ANKK1: variants seen among roughly 807,000 people sequenced by gnomAD.
The protein encoded by ANKK1 is ankyrin repeat and protein kinase domain-containing protein 1.
A neutral mutation model predicts 37.6 loss-of-function variants in ANKK1; 37 were observed. The ratio of observed to expected loss-of-function variants is 0.98; its 90% CI spans 0.76 to 1.29. The LOEUF (loss-of-function observed/expected upper bound fraction) is 1.29. Ranked by LOEUF, ANKK1 falls within the 50% of genes most tolerant of loss-of-function variation. The pLI is 0.00. For missense variants in ANKK1, 1,019 were observed against 990.6 expected, an observed-to-expected ratio of 1.03 and a Z score of -0.39; for synonymous variants, 415 against 418.7, an observed-to-expected ratio of 0.99 and a Z score of 0.11.
rs757199134 is a variant in ANKK1, at chr11:113,399,472, C to T, written c.1503C>T (p.Ala501=). ...AGGGCAAGACCCCCCTCCATGTGGCCGCCTACTTTGGCCATGTTAGCCTGG... is the reference window on the plus strand; with the variant it reads ...AGGGCAAGACCCCCCTCCATGTGGCTGCCTACTTTGGCCATGTTAGCCTGG... ...EAEGKTPLHV[A]AYFGHVSLVK... Residue 501 remains alanine (A), a synonymous_variant, in exon 8 of 8, where the codon GCC becomes GCT. Coordinates refer to ENST00000303941, the MANE Select transcript of ANKK1 (RefSeq NM_178510.2). The T allele has an allele frequency of 3.8e-6, 6 of 1,592,170 alleles. No individual in the cohort carries two copies. Among genetic ancestry groups the T allele is most frequent in the Admixed American group, 1.8e-5 (1 of 56,992 alleles).
Position 113,400,056 on chromosome 11 carries a change from C to T in ANKK1, c.2087C>T (p.Ala696Val), listed in dbSNP as rs778061889. 6.2e-7 allele frequency: 1 copy of T among 1,613,488 alleles called. No homozygotes were observed. The change falls in exon 8 of 8, where the codon GCC (alanine) becomes GTC (valine). Residue 696 changes from alanine (A) to valine (V), a missense_variant. Ala to Val is a moderately conservative substitution (Grantham distance 64). Coordinates refer to ENST00000303941, the MANE Select transcript of ANKK1 (RefSeq NM_178510.2). ...HARNKVGWTP[A>V]HLAALKGNTA... is the part of the protein sequence containing the mutation. ...CGCAACAAGGTGGGCTGGACACCCGCCCACCTGGCCGCCCTCAAGGGCAAC... is the reference window on the plus strand; with the variant it reads ...CGCAACAAGGTGGGCTGGACACCCGTCCACCTGGCCGCCCTCAAGGGCAAC...
At chr11:113,389,063 G>A (rs1330144497) in intron 1 of ANKK1, among the ~76,000 whole-genome samples, 2 of 152,178 alleles carry the variant, frequency 1.3e-5, no homozygotes, top group Non-Finnish European at 2.9e-5. Context: ...CTTATGAGGA[G>A]AGGAAAAATA....
intron 5 of ANKK1, 130 bp from the exon 6 acceptor site, chr11:113,397,094 A>G: frequency 1.3e-6 from 1 of 742,838 alleles, no homozygotes; most frequent in Non-Finnish European, 2.2e-6. Context: ...CTTCTCGTGC[A>G]TTTATATGAA....
intron 6 of ANKK1, 32 bp downstream of exon 6, chr11:113,397,374 C>A: frequency 6.4e-7 from 1 of 1,573,196 alleles, no homozygotes; most frequent in Non-Finnish European, 8.7e-7. Flanking sequence ...TCCTTATGGT[C>A]ATGCTAAGCT....
Position 113,397,239 on chromosome 11 carries a change from C to G in ANKK1, c.854C>G (p.Thr285Arg), listed in dbSNP as rs1003553198. 1.4e-5 allele frequency: 23 copies of G among 1,609,244 alleles called. No individual in the cohort carries two copies. Among genetic ancestry groups the G allele is most frequent in the Non-Finnish European group, 1.8e-5 (21 of 1,179,800 alleles). Residue 285 changes from threonine to arginine, a missense_variant, in exon 6 of 8, where the codon ACA (threonine) becomes AGA (arginine). Transcript: ENST00000303941. ...RPCFLDITIE[T>R]DILLSLLQSR... ...CATGGAGCAGACATTACCATCGAGACAGACATACTGCTGTCACTGCTGCAG... is the reference window on the plus strand; with the variant it reads ...CATGGAGCAGACATTACCATCGAGAGAGACATACTGCTGTCACTGCTGCAG...
At chr11:113,391,793 G>C (rs1950589528) in intron 1 of ANKK1, among the ~76,000 whole-genome samples, 1 of 152,108 alleles carries the variant, frequency 6.6e-6, no homozygotes, top group African/African-American at 2.4e-5. Flanking sequence ...GAAGAGCAGA[G>C]AAGAAGGGCT....
At chr11:113,396,017 C>CCT (rs1188488439) in intron 4 of ANKK1, 50 bp from the exon 5 acceptor site, 2 of 1,598,058 alleles carry the variant, frequency 1.3e-6, no homozygotes, top group East Asian at 2.2e-5. Context: ...CCCCAGCTCC[C>CCT]CTCCAGCCCT....
At chr11:113,391,677 G>T (rs1950588661) in intron 1 of ANKK1, among the ~76,000 whole-genome samples, 1 of 152,130 alleles carries the variant, frequency 6.6e-6, no homozygotes. Context: ...AAAACTAAAG[G>T]AAGAGCAGGT....
Position 113,392,998 on chromosome 11 carries a change from G to A in ANKK1, c.186-483G>A, listed in dbSNP as rs184857460. On this transcript the variant is annotated intron_variant, in intron 1 of 7. Transcript: ENST00000303941. Reference sequence around the variant, plus strand: ...TATCAACAGAGGCTAGCTCTGGAAGGTTGCATCCCTGGTAACTTATTTTTC... The same window carrying A: ...TATCAACAGAGGCTAGCTCTGGAAGATTGCATCCCTGGTAACTTATTTTTC... 9.2e-5 allele frequency among the ~76,000 whole-genome samples: 14 copies of A among 152,270 alleles called. No individual in the cohort carries two copies. The East Asian group carries it at 2.7e-3, about 29-fold the overall frequency.
In ANKK1 at chr11:113,397,979, G is replaced by A; in HGVS notation, c.958-1G>A. ...CCTGCCTGCTGGTTATGCCTCCCCA[G>A]GTTAATGAGGACATCAGCCAGGAAC... On this transcript the variant is annotated splice_acceptor_variant, in intron 6 of 7. Coordinates refer to ENST00000303941, the MANE Select transcript of ANKK1 (RefSeq NM_178510.2). LOFTEE classifies it high-confidence loss of function. 1 of 1,560,386 alleles carries A rather than the reference G, an allele frequency of 6.4e-7. No individual in the cohort carries two copies. Among genetic ancestry groups the A allele is most frequent in the Non-Finnish European group, 8.7e-7 (1 of 1,151,730 alleles).
Position 113,399,693 on chromosome 11 carries a change from T to C in ANKK1, c.1724T>C (p.Ile575Thr). 1 of 1,597,968 alleles carries C rather than the reference T, an allele frequency of 6.3e-7. No individual in the cohort carries two copies. Among genetic ancestry groups the C allele is most frequent in the Non-Finnish European group, 8.5e-7 (1 of 1,172,450 alleles). The stretch of plus-strand genomic sequence containing the variant: ...GCAGCTGCCAGGGGCAAATACCTGA[T>C]CTGCAAGATGCTGCTCAGGTACGGA... ...HTAAARGKYLICKMLLRYGAS... is the reference protein window; with the variant it reads ...HTAAARGKYLTCKMLLRYGAS... The change falls in exon 8 of 8, where the codon ATC becomes ACC. Residue 575 changes from isoleucine (I) to threonine (T), a missense_variant. Transcript: ENST00000303941.
At chr11:113,398,825 G>A (rs778524131) in intron 7 of ANKK1, 139 bp from the exon 8 acceptor site, 14 of 737,186 alleles carry the variant, frequency 1.9e-5, no homozygotes, top group Non-Finnish European at 3.1e-5. Flanking sequence ...TGTGTAGAGA[G>A]CCATGCTTAG....
Position 113,400,337 on chromosome 11 carries a change from AC to A in ANKK1, c.*72del. 7.1e-7 allele frequency: 1 copy of A among 1,399,378 alleles called. No individual in the cohort carries two copies. Among genetic ancestry groups the A allele is most frequent in the Non-Finnish European group, 9.5e-7 (1 of 1,051,272 alleles). 86.7% of individuals were successfully genotyped at this position (1,399,378 alleles called of 1,614,324 possible). A position where few individuals can be genotyped will look rare whatever the true frequency, so the allele number is the denominator to read the frequency against. The stretch of plus-strand genomic sequence containing the variant: ...TTTGGGAGGCTGAGGCAGGCAGATC[AC>A]CTGATATCAAGAGTTTGAGGCCAGC... On this transcript the variant is annotated 3_prime_UTR_variant, in exon 8 of 8. Coordinates refer to ENST00000303941, the MANE Select transcript of ANKK1 (RefSeq NM_178510.2).
rs776121430 is a variant in ANKK1, at chr11:113,387,998, G to A, written c.114G>A (p.Gln38=). The change falls in exon 1 of 8, where the codon CAG becomes CAA. Residue 38 remains glutamine (Q), a synonymous_variant. Coordinates refer to ENST00000303941, the MANE Select transcript of ANKK1 (RefSeq NM_178510.2). The part of the protein sequence containing the change: ...VASGGFSQVF[Q]ARHRRWRTEY... Reference sequence around the variant, plus strand: ...GCGGCGGCTTCAGCCAGGTGTTCCAGGCGCGGCACAGGCGCTGGCGGACGG... The same window carrying A: ...GCGGCGGCTTCAGCCAGGTGTTCCAAGCGCGGCACAGGCGCTGGCGGACGG... The A allele has an allele frequency of 3.8e-6, 6 of 1,570,924 alleles. No individual in the cohort carries two copies. Among genetic ancestry groups the A allele is most frequent in the East Asian group, 2.3e-5 (1 of 42,724 alleles).
At chr11:113,392,277 C>CT (rs1950593367) in intron 1 of ANKK1, among the ~76,000 whole-genome samples, 2 of 152,182 alleles carry the variant, frequency 1.3e-5, no homozygotes, top group Admixed American at 6.5e-5. Context: ...ACATCCCATG[C>CT]TTTTTTCCAT....
chr11:113,389,916 G>A (rs1396025821), intron 1 of ANKK1, among the ~76,000 whole-genome samples: 2 of 152,196 alleles, frequency 1.3e-5, no homozygotes, highest in Non-Finnish European at 2.9e-5. Flanking sequence ...GCATTGGGAG[G>A]GGTAGAGTGG....
chr11:113,389,582 G>A (rs1465710969), intron 1 of ANKK1, among the ~76,000 whole-genome samples: 1 of 152,196 alleles, frequency 6.6e-6, no homozygotes, highest in Non-Finnish European at 1.5e-5. Context: ...GCTTAAGAAG[G>A]GGAGATTTGT....
chr11:113,389,323 T>G (rs1432315446), intron 1 of ANKK1, among the ~76,000 whole-genome samples: 2 of 152,224 alleles, frequency 1.3e-5, no homozygotes, highest in Non-Finnish European at 2.9e-5. Context: ...AGACTTAGTA[T>G]GTATGGATTA....
Position 113,399,648 on chromosome 11 carries a change from GCT to G in ANKK1, c.1680_1681del (p.Tyr561ArgfsTer26), listed in dbSNP as rs771657563. ...GTCCCTGATGCCCTTGACCAGAGCG[GCT>G]ACGGCCCACTGCACACTGCAGCTGC... On this transcript the variant is annotated frameshift_variant, in exon 8 of 8. Transcript: ENST00000303941. LOFTEE classifies it low-confidence loss of function (END_TRUNC). 16 of 1,604,502 alleles carry G rather than the reference GCT, an allele frequency of 1.0e-5. No individual in the cohort carries two copies. The Admixed American group carries it at 1.0e-4, about 10-fold the overall frequency.
Sources: gnomAD v4.1 joint callset for allele counts (sites outside exome capture counted in the v4.1 genomes callset) on GRCh38, gnomAD v4.1.1 for gene constraint, MANE v1.5 for transcripts, NCBI Gene and HGNC (gene_info 2026-07-23, HGNC 2026-07-21) for gene names.